The following GRM8 variants were observed in gnomAD, a reference collection of about 807,000 sequenced individuals.
GRM8 encodes the protein metabotropic glutamate receptor 8.
In GRM8, 47 loss-of-function variants were observed where a neutral mutation model predicts 87.2. The observed-to-expected ratio is 0.54, with a 90% CI of 0.43 to 0.69. The LOEUF (loss-of-function observed/expected upper bound fraction) is 0.69. GRM8 is among the 30% of genes least tolerant of loss of function. The pLI is 0.00. For missense variants in GRM8, 1,019 were observed against 1,139.2 expected, an observed-to-expected ratio of 0.89 and a Z score of 1.52; for synonymous variants, 396 against 404.5, an observed-to-expected ratio of 0.98 and a Z score of 0.25.
chr7:126,737,141 C>T (rs1368910235), intron 7 of GRM8, among the ~76,000 whole-genome samples: 1 of 152,006 alleles, frequency 6.6e-6, no homozygotes, highest in Non-Finnish European at 1.5e-5. Context: ...CTGGAGACTA[C>T]AAGATTCCGA....
In GRM8 at chr7:126,439,055, C is replaced by A. The variant is rs148884943; in HGVS notation, c.*64G>T. On this transcript the variant is annotated 3_prime_UTR_variant, in exon 11 of 11. Transcript: ENST00000339582. ...GGAGATCTCCAGGAGTGAATTTTTG[C>A]GGTCTCATGTTCATCATTTAAGATC... 1 of 935,858 alleles carries A rather than the reference C, an allele frequency of 1.1e-6. No individual in the cohort carries two copies. Among genetic ancestry groups the A allele is most frequent in the East Asian group, 2.4e-5 (1 of 41,684 alleles). The allele number at this position is 935,858 out of a possible 1,614,324, so 58.0% of individuals were successfully genotyped here. A position where few individuals can be genotyped will look rare whatever the true frequency, so the allele number is the denominator to read the frequency against.
At chr7:126,949,421 A>C (rs1807895857) in intron 3 of GRM8, among the ~76,000 whole-genome samples, 1 of 152,212 alleles carries the variant, frequency 6.6e-6, no homozygotes, top group Admixed American at 6.5e-5. Context: ...GTAGCTAATA[A>C]AAAATTTTAA....
chr7:127,118,452 A>G (rs923344201), intron 2 of GRM8, among the ~76,000 whole-genome samples: 9 of 152,156 alleles, frequency 5.9e-5, no homozygotes, highest in Non-Finnish European at 1.3e-4. Flanking sequence ...TCCTATGAAC[A>G]TTTTTGGGAA....
intron 6 of GRM8, among the ~76,000 whole-genome samples, chr7:126,832,019 C>T (rs1426437919): frequency 6.6e-6 from 1 of 151,854 alleles, no homozygotes. Context: ...TAAATAAGTG[C>T]AGACTTATAT....
chr7:126,508,017 G>A (rs964992296), intron 9 of GRM8, among the ~76,000 whole-genome samples: 1 of 151,988 alleles, frequency 6.6e-6, no homozygotes, highest in Admixed American at 6.6e-5. Context: ...TACCTGCACT[G>A]GCAGGACAAG....
At chr7:126,961,470 T>C (rs1477280851) in intron 3 of GRM8, among the ~76,000 whole-genome samples, 1 of 152,176 alleles carries the variant, frequency 6.6e-6, no homozygotes, top group Non-Finnish European at 1.5e-5. Flanking sequence ...AAGCTTGAAT[T>C]GTTTATGCTA....
chr7:127,100,514 A>G (rs17869370), intron 3 of GRM8, among the ~76,000 whole-genome samples: 3,619 of 152,336 alleles, frequency 0.024, 128 homozygotes, highest in African/African-American at 0.081. Context: ...GCTAACAAAG[A>G]TATACCCAAG....
intron 3 of GRM8, among the ~76,000 whole-genome samples, chr7:126,980,700 G>A (rs2131852677): frequency 6.6e-6 from 1 of 152,188 alleles, no homozygotes; most frequent in South Asian, 2.1e-4. Context: ...CCTTAACCTT[G>A]GCGATAGTTC....
At position 126,971,745 on chromosome 7, in the gene GRM8, G is replaced by A. The variant is rs1211010596; in HGVS notation, c.728-67062C>T. Among the ~76,000 whole-genome samples the A allele has an allele frequency of 5.3e-5, 8 of 152,252 alleles. No individual in the cohort carries two copies. In the South Asian group the frequency reaches 1.7e-3, roughly 32 times the overall value. ...TTTGGACAGGTGGTTTGGACTCCCA[G>A]TATAGAGACCAAATAGCAACAGGAG... is the stretch of plus-strand genomic sequence containing the variant. On this transcript the variant is annotated intron_variant, in intron 3 of 10. Transcript: ENST00000339582.
chr7:127,125,453 C>T (rs763769091), intron 2 of GRM8, among the ~76,000 whole-genome samples: 1 of 151,816 alleles, frequency 6.6e-6, no homozygotes, highest in Non-Finnish European at 1.5e-5. Flanking sequence ...TCAAAGTGGA[C>T]AACTGACCCA....
At chr7:126,623,017 C>T (rs1800329059) in intron 7 of GRM8, among the ~76,000 whole-genome samples, 1 of 152,172 alleles carries the variant, frequency 6.6e-6, no homozygotes, top group Non-Finnish European at 1.5e-5. Flanking sequence ...ACATGTTCTT[C>T]AGACAGTCAT....
intron 7 of GRM8, among the ~76,000 whole-genome samples, chr7:126,762,802 C>T (rs955676291): frequency 4.0e-5 from 6 of 151,450 alleles, no homozygotes; most frequent in East Asian, 1.9e-4. Context: ...TCTTAGAATA[C>T]CTTTCTAGAA....
At chr7:127,093,648 C>A (rs1037063377) in intron 3 of GRM8, among the ~76,000 whole-genome samples, 6 of 152,222 alleles carry the variant, frequency 3.9e-5, no homozygotes, top group African/African-American at 1.4e-4. Flanking sequence ...CTACAACTGC[C>A]AGAAAATATG....
intron 2 of GRM8, among the ~76,000 whole-genome samples, chr7:127,155,398 C>T (rs751340259): frequency 7.2e-5 from 11 of 152,140 alleles, no homozygotes; most frequent in Non-Finnish European, 1.3e-4. Flanking sequence ...ATTCATCCAA[C>T]GTAACTCTCA....
At chr7:126,721,841 T>C (rs909478227) in intron 7 of GRM8, among the ~76,000 whole-genome samples, 3 of 152,208 alleles carry the variant, frequency 2.0e-5, no homozygotes, top group African/African-American at 7.2e-5. Context: ...GGTGCCTCTT[T>C]TAATAGGCCT....
At position 126,759,328 on chromosome 7, in the gene GRM8, T is replaced by C. The variant is rs138074391; in HGVS notation, c.1357+10537A>G. 1.2e-3 allele frequency among the ~76,000 whole-genome samples: 187 copies of C among 152,288 alleles called. 1 individual carries two copies. The highest frequency in any genetic ancestry group is 2.0e-3 in the Non-Finnish European group (133 of 68,012). ...GTAGATTCTTTCTGAAGCAAAATACTGCTACTGCTAAGAAAATAATTATCC... is the reference window on the plus strand; with the variant it reads ...GTAGATTCTTTCTGAAGCAAAATACCGCTACTGCTAAGAAAATAATTATCC... On this transcript the variant is annotated intron_variant, in intron 7 of 10. Transcript: ENST00000339582.
chr7:127,012,790 T>C (rs1815024646), intron 3 of GRM8, among the ~76,000 whole-genome samples: 1 of 152,158 alleles, frequency 6.6e-6, no homozygotes. Flanking sequence ...TTACACCTTA[T>C]TTAAGGAGAA....
intron 7 of GRM8, among the ~76,000 whole-genome samples, chr7:126,640,654 T>C (rs1802282025): frequency 6.6e-6 from 1 of 152,000 alleles, no homozygotes; most frequent in South Asian, 2.1e-4. Flanking sequence ...AGCTGTCTGG[T>C]TGGATTTCTT....
chr7:127,197,559 T>C (rs932471795), intron 2 of GRM8, among the ~76,000 whole-genome samples: 9 of 151,956 alleles, frequency 5.9e-5, no homozygotes, highest in African/African-American at 2.2e-4. Flanking sequence ...ACAATCCTAG[T>C]TTCTTTCATC....
Sources: allele counts gnomAD v4.1 joint callset (sites outside exome capture counted in the v4.1 genomes callset), GRCh38; gene constraint gnomAD v4.1.1; transcripts MANE v1.5; gene names NCBI Gene and HGNC (gene_info 2026-07-23, HGNC 2026-07-21).